Variants in CFAP263 observed in about 807,000 individuals in gnomAD.
CFAP263 encodes the protein cilia- and flagella-associated protein 263.
At chr16:58,251,248 C>T in the CFAP263 span, among the ~76,000 whole-genome samples, 1 of 152,200 alleles carries the variant, frequency 6.6e-6, no homozygotes, top group African/African-American at 2.4e-5. Flanking sequence ...TCCCTAAGTT[C>T]ACACAGTCAG....
the CFAP263 span, chr16:58,262,586 CT>C: frequency 1.2e-5 from 19 of 1,525,494 alleles, no homozygotes; most frequent in Middle Eastern, 3.5e-4. Context: ...GCTTTCCACA[CT>C]CACCTTTCTG....
chr16:58,266,872 C>T, the CFAP263 span, among the ~76,000 whole-genome samples: 2 of 152,250 alleles, frequency 1.3e-5, no homozygotes, highest in South Asian at 2.1e-4. Flanking sequence ...GGTCCGGCCT[C>T]GTTAGGCGAT....
the CFAP263 span, among the ~76,000 whole-genome samples, chr16:58,266,122 TG>T: frequency 6.6e-6 from 1 of 151,864 alleles, no homozygotes; most frequent in Non-Finnish European, 1.5e-5. Context: ...AAAATAGGAG[TG>T]GGGAAGAGAA....
the CFAP263 span, chr16:58,281,525 C>T: frequency 6.6e-6 from 1 of 152,378 alleles, no homozygotes; most frequent in Non-Finnish European, 1.5e-5. Context: ...GTAGGTATCA[C>T]TTACCTTACC....
At chr16:58,271,644 A>G in the CFAP263 span, among the ~76,000 whole-genome samples, 2 of 152,012 alleles carry the variant, frequency 1.3e-5, no homozygotes, top group South Asian at 4.1e-4. Context: ...ATGTTCCTCC[A>G]CTGGATTTGT....
the CFAP263 span, among the ~76,000 whole-genome samples, chr16:58,270,255 C>T: frequency 6.6e-6 from 1 of 152,154 alleles, no homozygotes; most frequent in East Asian, 1.9e-4. Context: ...ACCTACTCAA[C>T]ATTATAGCTT....
chr16:58,264,553 G>A, the CFAP263 span, among the ~76,000 whole-genome samples: 1 of 152,176 alleles, frequency 6.6e-6, no homozygotes, highest in Admixed American at 6.5e-5. Flanking sequence ...TGCTGCGGGA[G>A]GTGCTTCATC....
the CFAP263 span, among the ~76,000 whole-genome samples, chr16:58,269,162 G>A: frequency 2.6e-5 from 4 of 151,702 alleles, no homozygotes; most frequent in South Asian, 2.1e-4. Flanking sequence ...GTGAAACCCC[G>A]CCCTACTAAA....
At chr16:58,254,001 C>A in the CFAP263 span, 4 of 1,613,998 alleles carry the variant, frequency 2.5e-6, no homozygotes, top group Non-Finnish European at 3.4e-6. Flanking sequence ...GTTGCAGTTT[C>A]GAGGCAGGCG....
the CFAP263 span, chr16:58,279,676 T>TTC: frequency 1.2e-6 from 1 of 859,058 alleles, no homozygotes; most frequent in Non-Finnish European, 1.5e-6. Context: ...CTTTTTTTCT[T>TTC]TTTTTTTTTT....
chr16:58,279,518 C>T, the CFAP263 span, among the ~76,000 whole-genome samples: 2 of 152,016 alleles, frequency 1.3e-5, no homozygotes, highest in Non-Finnish European at 2.9e-5. Context: ...CCCTTTGTGG[C>T]CCCTACACAG....
At chr16:58,254,876 A>AT in the CFAP263 span, among the ~76,000 whole-genome samples, 2 of 152,190 alleles carry the variant, frequency 1.3e-5, no homozygotes, top group African/African-American at 4.8e-5. Flanking sequence ...AAGTGCTGGG[A>AT]TTACAGGCAT....
the CFAP263 span, among the ~76,000 whole-genome samples, chr16:58,263,775 C>G: frequency 8.5e-5 from 13 of 152,218 alleles, no homozygotes; most frequent in Non-Finnish European, 1.8e-4. Flanking sequence ...GCCAGGAGTT[C>G]AAGACCAGCC....
chr16:58,250,236 T>A, the CFAP263 span: 2 of 591,534 alleles, frequency 3.4e-6, no homozygotes, highest in East Asian at 6.1e-5. Context: ...TGGGGAGACT[T>A]TTCCTCTTTA....
At chr16:58,250,095 C>T in the CFAP263 span, 2 of 1,586,114 alleles carry the variant, frequency 1.3e-6, no homozygotes, top group Non-Finnish European at 1.7e-6. Flanking sequence ...TCCAGCTGTG[C>T]GGGCTGGTGG....
the CFAP263 span, chr16:58,279,680 T>C: frequency 4.4e-6 from 7 of 1,578,240 alleles, no homozygotes; most frequent in Non-Finnish European, 6.0e-6. Context: ...TTTTCTTTTT[T>C]TTTTTTGCAG....
the CFAP263 span, among the ~76,000 whole-genome samples, chr16:58,270,865 C>A: frequency 6.6e-6 from 1 of 152,054 alleles, no homozygotes; most frequent in Admixed American, 6.5e-5. Flanking sequence ...TCGTATTAAC[C>A]TTTTTATTTA....
the CFAP263 span, chr16:58,280,381 C>T: frequency 5.6e-6 from 9 of 1,614,202 alleles, no homozygotes; most frequent in Non-Finnish European, 7.6e-6. Context: ...AGGAGACCTG[C>T]CTGATTCCTT....
chr16:58,272,687 T>C, the CFAP263 span, among the ~76,000 whole-genome samples: 2 of 152,188 alleles, frequency 1.3e-5, no homozygotes, highest in East Asian at 3.9e-4. Context: ...TTATTTATTT[T>C]GTTGCTCAAA....
Sources: allele counts gnomAD v4.1 joint callset (sites outside exome capture counted in the v4.1 genomes callset), GRCh38; gene constraint gnomAD v4.1.1; transcripts MANE v1.5; gene names NCBI Gene and HGNC (gene_info 2026-07-23, HGNC 2026-07-21).